Variants in SYNPR observed in about 807,000 individuals in gnomAD.
The protein encoded by SYNPR is synaptoporin.
In SYNPR, 23 loss-of-function variants were observed where a neutral mutation model predicts 32.9. The ratio of observed to expected loss-of-function variants is 0.70; its 90% CI spans 0.50 to 0.99. The LOEUF (loss-of-function observed/expected upper bound fraction) is 0.99, where lower values mean the gene tolerates loss of function less well. Among genes scored for constraint, SYNPR ranks in the 50% least tolerant of loss-of-function variants. The pLI, the probability that SYNPR is intolerant of heterozygous loss-of-function variation, is 0.00. For missense variants in SYNPR, 318 were observed against 349.3 expected, an observed-to-expected ratio of 0.91 and a Z score of 0.71; for synonymous variants, 146 against 135.9, an observed-to-expected ratio of 1.07 and a Z score of -0.52.
intron 4 of SYNPR, among the ~76,000 whole-genome samples, chr3:63,573,840 G>T (rs540815650): frequency 6.6e-6 from 1 of 152,186 alleles, no homozygotes; most frequent in South Asian, 2.1e-4. Context: ...GCCAACTTGG[G>T]GACAGGATGC....
intron 2 of SYNPR, among the ~76,000 whole-genome samples, chr3:63,346,799 C>T (rs1228625654): frequency 6.6e-6 from 1 of 152,176 alleles, no homozygotes; most frequent in African/African-American, 2.4e-5. Context: ...TTTACCAACT[C>T]TGTCGGCTTG....
At chr3:63,424,465 G>C (rs550717143) in intron 2 of SYNPR, among the ~76,000 whole-genome samples, 2 of 152,066 alleles carry the variant, frequency 1.3e-5, no homozygotes, top group Non-Finnish European at 2.9e-5. Context: ...CTCTACCTTG[G>C]AGAATGATTG....
chr3:63,203,718 C>A, the SYNPR span, among the ~76,000 whole-genome samples: 1 of 152,054 alleles, frequency 6.6e-6, no homozygotes, highest in African/African-American at 2.4e-5. Flanking sequence ...TTCTTTGGGC[C>A]GGGTGCTGTG....
chr3:63,449,451 G>A (rs1289708346), intron 2 of SYNPR, among the ~76,000 whole-genome samples: 1 of 152,054 alleles, frequency 6.6e-6, no homozygotes, highest in African/African-American at 2.4e-5. Context: ...GCTGTTTTAT[G>A]TATTATAAGA....
In SYNPR at chr3:63,355,859, A is replaced by T. The variant is rs183367206; in HGVS notation, c.84+77117A>T. 4.6e-5 allele frequency among the ~76,000 whole-genome samples: 7 copies of T among 152,248 alleles called. 1 individual carries two copies. Among genetic ancestry groups the T allele is most frequent in the African/African-American group, 7.2e-5 (3 of 41,544 alleles). On this transcript the variant is annotated intron_variant, in intron 2 of 5. Coordinates refer to ENST00000478300, the MANE Select transcript of SYNPR (RefSeq NM_001130003.2). ...ATAACTTATCAGTTCCTCATTGCAC[A>T]CGTTCTCTTAACAGCACTTGTTACA... is the stretch of plus-strand genomic sequence containing the variant.
chr3:63,278,796 A>C, intron 2 of SYNPR, 54 bp downstream of exon 2: 2 of 1,537,986 alleles, frequency 1.3e-6, no homozygotes, highest in Non-Finnish European at 1.8e-6. Flanking sequence ...CTATCAGGTG[A>C]GGAGAGGTCG....
intron 5 of SYNPR, among the ~76,000 whole-genome samples, chr3:63,610,112 G>C (rs1160656970): frequency 6.6e-6 from 1 of 152,102 alleles, no homozygotes; most frequent in African/African-American, 2.4e-5. Context: ...ACTTATAATA[G>C]CTATGGTAAT....
chr3:63,323,162 T>A (rs2087128937), intron 2 of SYNPR, among the ~76,000 whole-genome samples: 1 of 152,026 alleles, frequency 6.6e-6, no homozygotes, highest in South Asian at 2.1e-4. Flanking sequence ...GGGGAAGAGC[T>A]TTTGATGTTT....
rs771701349 is a variant in SYNPR at position 63,438,340 on chromosome 3, G to T, written c.85-42492G>T. Among the ~76,000 whole-genome samples the T allele has an allele frequency of 1.1e-3, 163 of 152,058 alleles. 2 individuals are homozygous for T. The highest frequency in any genetic ancestry group is 2.9e-4 in the Non-Finnish European group (20 of 68,022). ...TTTTCCCTCTACTTTCAGCTTCAGTGTAGAAATTTTTTAATAAAATTATGT... is the reference window on the plus strand; with the variant it reads ...TTTTCCCTCTACTTTCAGCTTCAGTTTAGAAATTTTTTAATAAAATTATGT... On this transcript the variant is annotated intron_variant, in intron 2 of 5. Coordinates refer to ENST00000478300, the MANE Select transcript of SYNPR (RefSeq NM_001130003.2).
intron 1 of SYNPR, among the ~76,000 whole-genome samples, chr3:63,239,624 T>C (rs2086225791): frequency 6.6e-6 from 1 of 151,528 alleles, no homozygotes; most frequent in Non-Finnish European, 1.5e-5. Flanking sequence ...CATTGTCAAG[T>C]GTATCACACA....
At chr3:63,203,541 G>C in the SYNPR span, 90 of 152,290 alleles carry the variant, frequency 5.9e-4, 1 homozygote, top group African/African-American at 2.1e-3. Flanking sequence ...CTGGGAACCG[G>C]AAGCTGGGTG....
chr3:63,428,250 A>C (rs1699925963), intron 2 of SYNPR, among the ~76,000 whole-genome samples: 1 of 152,232 alleles, frequency 6.6e-6, no homozygotes, highest in Non-Finnish European at 1.5e-5. Flanking sequence ...ATTGAGGCTA[A>C]GTTGGTCAAA....
chr3:63,519,121 G>A (rs138078188), intron 3 of SYNPR, among the ~76,000 whole-genome samples: 14 of 152,146 alleles, frequency 9.2e-5, no homozygotes, highest in African/African-American at 2.9e-4. Context: ...CTACATGACC[G>A]TGGTGGATTA....
At chr3:63,257,934 A>C (rs1263682840) in intron 2 of SYNPR, among the ~76,000 whole-genome samples, 2 of 152,198 alleles carry the variant, frequency 1.3e-5, no homozygotes, top group Non-Finnish European at 2.9e-5. Context: ...CTCTGATAAA[A>C]AACATACTTT....
intron 3 of SYNPR, among the ~76,000 whole-genome samples, chr3:63,553,139 G>A (rs577081978): frequency 2.0e-5 from 3 of 152,056 alleles, no homozygotes; most frequent in African/African-American, 4.8e-5. Flanking sequence ...CCATGTTTAC[G>A]TCTGTGTGTG....
At chr3:63,344,833 TG>T (rs1176583417) in intron 2 of SYNPR, among the ~76,000 whole-genome samples, 1 of 151,810 alleles carries the variant, frequency 6.6e-6, no homozygotes, top group Non-Finnish European at 1.5e-5. Context: ...GGCTGGTGAA[TG>T]GGGGGAATGG....
At chr3:63,555,785 C>T (rs368255653) in intron 3 of SYNPR, among the ~76,000 whole-genome samples, 165 of 152,222 alleles carry the variant, frequency 1.1e-3, no homozygotes, top group African/African-American at 3.8e-3. Flanking sequence ...AAGATTCCCA[C>T]TATCATGGAG....
intron 1 of SYNPR, among the ~76,000 whole-genome samples, chr3:63,249,726 A>G (rs146022252): frequency 1.3e-5 from 2 of 152,294 alleles, no homozygotes; most frequent in Admixed American, 1.3e-4. Context: ...TGGAAACAAC[A>G]TAAGTGACTT....
At chr3:63,466,017 C>G (rs187592388) in intron 2 of SYNPR, among the ~76,000 whole-genome samples, 3 of 152,226 alleles carry the variant, frequency 2.0e-5, no homozygotes, top group Non-Finnish European at 4.4e-5. Context: ...GGTGTTAACC[C>G]TAGTACCCAT....
Sources: allele counts gnomAD v4.1 joint callset (sites outside exome capture counted in the v4.1 genomes callset), GRCh38; gene constraint gnomAD v4.1.1; transcripts MANE v1.5; gene names NCBI Gene and HGNC (gene_info 2026-07-23, HGNC 2026-07-21).